Variants in NUAK2 observed in about 807,000 individuals in gnomAD.
NUAK2 encodes NUAK family SNF1-like kinase 2.
Under a neutral mutation model 29.8 loss-of-function variants are expected in NUAK2, and 20 were observed. The observed-to-expected ratio is 0.67, with a 90% CI of 0.47 to 0.98. NUAK2 has a LOEUF of 0.98. Ranked by LOEUF, NUAK2 falls within the 50% of genes least tolerant of loss-of-function variation. The pLI, the probability that NUAK2 is intolerant of heterozygous loss-of-function variation, is 0.00. For missense variants in NUAK2, 719 were observed against 834.5 expected, an observed-to-expected ratio of 0.86 and a Z score of 1.71; for synonymous variants, 331 against 342.6, an observed-to-expected ratio of 0.97 and a Z score of 0.37.
intron 1 of NUAK2, among the ~76,000 whole-genome samples, 185 bp from the exon 2 acceptor site, chr1:205,312,010 A>T (rs1662264629): frequency 6.6e-6 from 1 of 152,206 alleles, no homozygotes; most frequent in Admixed American, 6.5e-5. Flanking sequence ...AAAAGATCTC[A>T]CCTGAGCTGA....
At chr1:205,309,963 G>A (rs911948752) in intron 2 of NUAK2, among the ~76,000 whole-genome samples, 1 of 152,246 alleles carries the variant, frequency 6.6e-6, no homozygotes, top group African/African-American at 2.4e-5. Context: ...GGTAGGGAGT[G>A]GCTGGTTCAC....
At chr1:205,317,205 G>A (rs1434625647) in intron 1 of NUAK2, among the ~76,000 whole-genome samples, 6 of 152,214 alleles carry the variant, frequency 3.9e-5, no homozygotes, top group African/African-American at 7.2e-5. Context: ...GATCAGGAAC[G>A]ATCTGGATTC....
intron 1 of NUAK2, among the ~76,000 whole-genome samples, chr1:205,317,829 A>C (rs1304188766): frequency 6.6e-6 from 1 of 152,222 alleles, no homozygotes; most frequent in African/African-American, 2.4e-5. Flanking sequence ...TGAACAAAGC[A>C]GCAACCAAAG....
intron 1 of NUAK2, among the ~76,000 whole-genome samples, chr1:205,314,895 G>A (rs1449115763): frequency 6.6e-6 from 1 of 152,070 alleles, no homozygotes; most frequent in Non-Finnish European, 1.5e-5. Flanking sequence ...AAATAAATGA[G>A]GTTCCAAAAA....
At chr1:205,314,163 C>T (rs1226239903) in intron 1 of NUAK2, among the ~76,000 whole-genome samples, 1 of 152,228 alleles carries the variant, frequency 6.6e-6, no homozygotes, top group African/African-American at 2.4e-5. Flanking sequence ...CTCACAATGC[C>T]CTGGCCCGGT....
At chr1:205,314,279 G>A (rs1184445624) in intron 1 of NUAK2, among the ~76,000 whole-genome samples, 1 of 152,214 alleles carries the variant, frequency 6.6e-6, no homozygotes, top group South Asian at 2.1e-4. Flanking sequence ...CCCTGAGCAG[G>A]GCAGGGAGGA....
At position 205,304,101 on chromosome 1, in the gene NUAK2, C is replaced by T. The variant is rs139531044; in HGVS notation, c.1236G>A (p.Lys412=). 12 of 1,614,108 alleles carry T rather than the reference C, an allele frequency of 7.4e-6. No homozygotes were observed. The highest frequency in any genetic ancestry group is 1.0e-5 in the Non-Finnish European group (12 of 1,180,044). The change falls in exon 7 of 7, where the codon AAG becomes AAA. Residue 412 remains lysine (K), a synonymous_variant. Coordinates refer to ENST00000367157, the MANE Select transcript of NUAK2 (RefSeq NM_030952.3). The surrounding 1 kb of genome is among the most constrained non-coding windows in gnomAD (Gnocchi z 6.5). ...SNLKLPKGIL[K]KKVSASAEGV... ...CTTCTGCAGAGGCTGACACCTTCTT[C>T]TTGAGAATGCCCTTTGGCAGCTTGA... is the stretch of plus-strand genomic sequence containing the variant.
chr1:205,303,885 C>T lies in NUAK2; in HGVS notation c.1452G>A (p.Lys484=). 1 of 1,614,042 alleles carries T rather than the reference C, an allele frequency of 6.2e-7. No individual in the cohort carries two copies. Among genetic ancestry groups the T allele is most frequent in the Non-Finnish European group, 8.5e-7 (1 of 1,179,982 alleles). Residue 484 remains lysine, a synonymous_variant, in exon 7 of 7, where the codon AAG becomes AAA. Transcript: ENST00000367157. ...AGDVFVSGDP[K]EQKPPQASGL... is the part of the protein sequence containing the mutation. ...CTGAAGCTTGCGGAGGCTTCTGCTC[C>T]TTGGGATCCCCACTCACAAACACGT...
At chr1:205,314,147 G>T (rs1662293011) in intron 1 of NUAK2, among the ~76,000 whole-genome samples, 1 of 152,348 alleles carries the variant, frequency 6.6e-6, no homozygotes, top group Non-Finnish European at 1.5e-5. Context: ...CCCGTAAGAG[G>T]AGCTGCTCAC....
Position 205,303,609 on chromosome 1 carries a change from G to A in NUAK2, c.1728C>T (p.Asn576=). Residue 576 remains asparagine, a synonymous_variant, in exon 7 of 7, where the codon AAC becomes AAT. Coordinates refer to ENST00000367157, the MANE Select transcript of NUAK2 (RefSeq NM_030952.3). ...PPLRGCVSVD[N]LTGLEEPPSE... Reference sequence around the variant, plus strand: ...AGGGGGGCTCCTCAAGCCCCGTGAGGTTGTCCACAGACACACAGCCCCGCA... The same window carrying A: ...AGGGGGGCTCCTCAAGCCCCGTGAGATTGTCCACAGACACACAGCCCCGCA... The A allele has an allele frequency of 6.2e-7, 1 of 1,610,362 alleles. No individual in the cohort carries two copies. The highest frequency in any genetic ancestry group is 8.5e-7 in the Non-Finnish European group (1 of 1,178,732).
chr1:205,303,202 C>T lies in NUAK2; in HGVS notation c.*248G>A, dbSNP rs16855350. 0.019 allele frequency: 6,734 copies of T among 349,792 alleles called. 325 individuals are homozygous for T. The highest frequency in any genetic ancestry group is 0.14 in the East Asian group (2,978 of 21,106). The allele number at this position is 349,792 out of a possible 1,614,324, so 21.7% of individuals were successfully genotyped here. The stretch of plus-strand genomic sequence containing the variant: ...GAAACAGGCAATGTGGACTCTGTCG[C>T]GGGCATTCCCGTTCCCCTCTCTTTA... On this transcript the variant is annotated 3_prime_UTR_variant, in exon 7 of 7. Coordinates refer to ENST00000367157, the MANE Select transcript of NUAK2 (RefSeq NM_030952.3).
Position 205,304,620 on chromosome 1 carries a change from T to C in NUAK2, c.824-107A>G. On this transcript the variant is annotated intron_variant, in intron 6 of 6. Coordinates refer to ENST00000367157, the MANE Select transcript of NUAK2 (RefSeq NM_030952.3). This position sits in a 1 kb window ranked among gnomAD's most constrained non-coding sequence, Gnocchi z 6.5. ...TTTGAGCTATGACACTGCATACTCC[T>C]GGGTCGGATGCGTCCCTTCCAACCT... The C allele has an allele frequency of 1.0e-6, 1 of 977,624 alleles. No homozygotes were observed. The highest frequency in any genetic ancestry group is 1.8e-5 in the South Asian group (1 of 55,392). 60.6% of individuals were successfully genotyped at this position (977,624 alleles called of 1,614,324 possible). A position where few individuals can be genotyped will look rare whatever the true frequency, so the allele number is the denominator to read the frequency against.
intron 1 of NUAK2, among the ~76,000 whole-genome samples, chr1:205,315,755 C>G (rs372659905): frequency 2.0e-5 from 3 of 152,260 alleles, no homozygotes; most frequent in African/African-American, 7.2e-5. Context: ...TTCCTGTAAT[C>G]TCAGCTACTC....
chr1:205,315,890 T>A (rs980973414), intron 1 of NUAK2, among the ~76,000 whole-genome samples: 6 of 151,238 alleles, frequency 4.0e-5, no homozygotes, highest in African/African-American at 7.3e-5. Flanking sequence ...AAATAAAAAA[T>A]AAAAATAAAA....
Position 205,303,514 on chromosome 1 carries a change from G to C in NUAK2, c.1823C>G (p.Thr608Arg), listed in dbSNP as rs1397614584. The C allele has an allele frequency of 6.2e-7, 1 of 1,612,924 alleles. No individual in the cohort carries two copies. The stretch of plus-strand genomic sequence containing the variant: ...GGTCGCTGTCACCTCCTGGCAGTCT[G>C]TCAGGGAAAAGCAGCTGTCCCCCAA... ...DPLGDSCFSL[T>R]DCQEVTATYR... Residue 608 changes from threonine to arginine, a missense_variant, in exon 7 of 7, where the codon ACA (threonine) becomes AGA (arginine). By Grantham distance (71) the Thr-to-Arg change is moderately conservative. Coordinates refer to ENST00000367157, the MANE Select transcript of NUAK2 (RefSeq NM_030952.3).
rs1163524263 is a variant in NUAK2, at chr1:205,303,284, T to C, written c.*166A>G. ...GACACTGAACCCTTGGCGCATTTCA[T>C]TTGCCTACTTCCCATATCCAGCCCT... On this transcript the variant is annotated 3_prime_UTR_variant, in exon 7 of 7. Coordinates refer to ENST00000367157, the MANE Select transcript of NUAK2 (RefSeq NM_030952.3). 7.6e-6 allele frequency: 4 copies of C among 526,546 alleles called. No homozygotes were observed. Among genetic ancestry groups the C allele is most frequent in the Admixed American group, 3.7e-5 (1 of 26,868 alleles). 32.6% of individuals were successfully genotyped at this position (526,546 alleles called of 1,614,324 possible).
chr1:205,305,282 G>A lies in NUAK2; in HGVS notation c.740C>T (p.Thr247Ile). 5.6e-6 allele frequency: 9 copies of A among 1,614,156 alleles called. No homozygotes were observed. The highest frequency in any genetic ancestry group is 7.6e-6 in the Non-Finnish European group (9 of 1,179,996). The change falls in exon 6 of 7, where the codon ACC (threonine) becomes ATC (isoleucine). Residue 247 changes from threonine to isoleucine, a missense_variant. Coordinates refer to ENST00000367157, the MANE Select transcript of NUAK2 (RefSeq NM_030952.3). Reference protein sequence around the residue: ...GVLLYILVHGTMPFDGHDHKI... With the variant: ...GVLLYILVHGIMPFDGHDHKI... ...ATGGTCATGCCCATCAAAGGGCATG[G>A]TGCCATGCACCAGGATGTAGAGGAG...
chr1:205,317,453 G>A (rs796893094), intron 1 of NUAK2, among the ~76,000 whole-genome samples: 57 of 152,312 alleles, frequency 3.7e-4, no homozygotes, highest in African/African-American at 1.3e-3. Context: ...GTTGGCCCAG[G>A]CTGGGCAGAG....
At chr1:205,312,528 C>T (rs1056376858) in intron 1 of NUAK2, among the ~76,000 whole-genome samples, 8 of 152,134 alleles carry the variant, frequency 5.3e-5, no homozygotes, top group Non-Finnish European at 7.4e-5. Context: ...GGTCTGGGTG[C>T]GGTAGCTCAA....
Sources: allele counts gnomAD v4.1 joint callset (sites outside exome capture counted in the v4.1 genomes callset), GRCh38; gene constraint gnomAD v4.1.1; non-coding constraint Gnocchi (gnomAD v3.1); transcripts MANE v1.5; gene names NCBI Gene and HGNC (gene_info 2026-07-23, HGNC 2026-07-21).